The following GPR89A variants were observed in gnomAD, a reference collection of about 807,000 sequenced individuals.
The protein encoded by GPR89A is G protein-coupled receptor 89A.
In GPR89A, 16 loss-of-function variants were observed where a neutral mutation model predicts 52.0. The observed-to-expected ratio is 0.31, with a 90% CI of 0.21 to 0.47. GPR89A has a LOEUF of 0.47. Ranked by LOEUF, GPR89A falls within the 20% of genes least tolerant of loss-of-function variation. The pLI, the probability that GPR89A is intolerant of heterozygous loss-of-function variation, is 1.00. For synonymous variants in GPR89A, 55 were observed against 150.9 expected (o/e 0.36, Z 4.66); for missense variants, 135 against 449.4 (o/e 0.30, Z 6.33).
chr1:145,654,553 CAAAAAAA>C (rs1559045894), intron 10 of GPR89A, among the ~76,000 whole-genome samples: 7 of 126,944 alleles, frequency 5.5e-5, no homozygotes, highest in South Asian at 2.5e-4. Flanking sequence ...AATCCATCTA[CAAAAAAA>C]AAAAAAAAAA....
rs148278695 is a variant in GPR89A at position 145,609,976 on chromosome 1, C to T, written c.42+1801C>T. ...TTTCCATTTCGGCTGCCTTCTTCCT[C>T]ATTTCCATGTTTTATTTTCTTCTTG... On this transcript the variant is annotated intron_variant, in intron 1 of 13. Transcript: ENST00000313835. Among the ~76,000 whole-genome samples, 736 of 152,252 alleles carry T rather than the reference C, an allele frequency of 4.8e-3. 8 individuals carry two copies. The highest frequency in any genetic ancestry group is 0.017 in the African/African-American group (693 of 41,536).
At chr1:145,664,131 A>G (rs1338574600) in intron 11 of GPR89A, among the ~76,000 whole-genome samples, 383 of 151,034 alleles carry the variant, frequency 2.5e-3, no homozygotes, top group Non-Finnish European at 4.6e-3. Context: ...TGTGCTGTCA[A>G]CCTAGACGCA....
intron 3 of GPR89A, among the ~76,000 whole-genome samples, chr1:145,622,017 G>A (rs1232909699): frequency 1.3e-5 from 2 of 150,130 alleles, no homozygotes; most frequent in East Asian, 4.0e-4. Context: ...GGAAACAGTG[G>A]GAGTGCCTAA....
In GPR89A at chr1:145,608,085, G is replaced by A. The variant is rs1553685252; in HGVS notation, c.-49G>A. 1 of 1,611,182 alleles carries A rather than the reference G, an allele frequency of 6.2e-7. No homozygotes were observed. The highest frequency in any genetic ancestry group is 1.7e-5 in the Admixed American group (1 of 59,988). On this transcript the variant is annotated 5_prime_UTR_variant, in exon 1 of 14. Coordinates refer to ENST00000313835, the MANE Select transcript of GPR89A (RefSeq NM_001097612.2). ...GGGGCCTGTGGCCCCAGCGTGCTGTGGCCTCGGGGAGTGGGAAGTGGAGGC... is the reference window on the plus strand; with the variant it reads ...GGGGCCTGTGGCCCCAGCGTGCTGTAGCCTCGGGGAGTGGGAAGTGGAGGC...
At chr1:145,617,484 T>C in intron 2 of GPR89A, among the ~76,000 whole-genome samples, 1 of 151,792 alleles carries the variant, frequency 6.6e-6, no homozygotes, top group African/African-American at 2.4e-5. Flanking sequence ...ATGACGGGAT[T>C]AAGAGATTAA....
At chr1:145,661,293 CTG>C (rs1553695547) in intron 10 of GPR89A, among the ~76,000 whole-genome samples, 1 of 71,788 alleles carries the variant, frequency 1.4e-5, no homozygotes, top group Non-Finnish European at 2.4e-5. Flanking sequence ...ACATCACACT[CTG>C]GGGACTGTTG....
In GPR89A at chr1:145,650,458, A is replaced by G. The variant is rs1220215225; in HGVS notation, c.909+3191A>G. Among the ~76,000 whole-genome samples, 3 of 151,950 alleles carry G rather than the reference A, an allele frequency of 2.0e-5. No individual in the cohort carries two copies. In the East Asian group the frequency reaches 5.8e-4, roughly 29 times the overall value. ...CTGCAGTGGACGTACATGTGTATGT[A>G]TCTTTATAATGGAATGATTTATATT... On this transcript the variant is annotated intron_variant, in intron 10 of 13. Transcript: ENST00000313835.
chr1:145,609,207 T>G (rs1456801758), intron 1 of GPR89A, among the ~76,000 whole-genome samples: 6 of 152,194 alleles, frequency 3.9e-5, no homozygotes, highest in African/African-American at 1.4e-4. Flanking sequence ...GCAGTTACCT[T>G]TGGGGGCTTA....
chr1:145,627,929 T>C (rs1553689234), intron 5 of GPR89A, among the ~76,000 whole-genome samples: 2 of 150,970 alleles, frequency 1.3e-5, no homozygotes, highest in Non-Finnish European at 2.9e-5. Flanking sequence ...AGAGATAGAA[T>C]GGAAAGTAAT....
Position 145,670,229 on chromosome 1 carries a change from G to A in GPR89A, c.*189G>A. The stretch of plus-strand genomic sequence containing the variant: ...CCATGAGTAGCATCAGCCAGAACAT[G>A]AGAGGGAGAACTAACTCAAGACAAT... On this transcript the variant is annotated 3_prime_UTR_variant, in exon 14 of 14. Transcript: ENST00000313835. The A allele has an allele frequency of 3.4e-6, 5 of 1,475,122 alleles. No individual in the cohort carries two copies. Among genetic ancestry groups the A allele is most frequent in the East Asian group, 2.4e-5 (1 of 41,494 alleles). The allele number at this position is 1,475,122 out of a possible 1,614,324, so 91.4% of individuals were successfully genotyped here. A position where few individuals can be genotyped will look rare whatever the true frequency, so the allele number is the denominator to read the frequency against.
intron 3 of GPR89A, among the ~76,000 whole-genome samples, chr1:145,622,107 C>T (rs1649182598): frequency 6.6e-6 from 1 of 152,090 alleles, no homozygotes; most frequent in Non-Finnish European, 1.5e-5. Context: ...CATACGTCCA[C>T]ACCAGAATGT....
intron 1 of GPR89A, among the ~76,000 whole-genome samples, chr1:145,614,280 C>A (rs1184113660): frequency 6.6e-6 from 1 of 152,134 alleles, no homozygotes; most frequent in African/African-American, 2.4e-5. Flanking sequence ...GTCCTAACCC[C>A]TTACAGATTG....
In GPR89A at chr1:145,608,013, A is replaced by C. The variant is rs1362151061; in HGVS notation, c.-121A>C. On this transcript the variant is annotated 5_prime_UTR_variant, in exon 1 of 14. Transcript: ENST00000313835. The stretch of plus-strand genomic sequence containing the variant: ...GCAGCTTGATGGCGTCGGGCTGGAG[A>C]GCCGCAGTCCCGGCTGCAGCACCTG... The C allele has an allele frequency of 1.6e-4, 178 of 1,138,560 alleles. No individual in the cohort carries two copies. Among genetic ancestry groups the C allele is most frequent in the East Asian group, 1.5e-3 (58 of 39,528 alleles). The allele number at this position is 1,138,560 out of a possible 1,614,324, so 70.5% of individuals were successfully genotyped here.
intron 1 of GPR89A, among the ~76,000 whole-genome samples, chr1:145,611,139 G>A (rs1195496091): frequency 1.3e-5 from 2 of 149,342 alleles, no homozygotes; most frequent in South Asian, 2.1e-4. Flanking sequence ...TTACTTGGAT[G>A]TAAATGAATT....
intron 5 of GPR89A, among the ~76,000 whole-genome samples, chr1:145,629,077 C>T (rs1157651769): frequency 1.3e-5 from 2 of 152,192 alleles, no homozygotes; most frequent in South Asian, 2.1e-4. Flanking sequence ...AAGATGGTGG[C>T]GTAGGGGCAA....
At chr1:145,650,133 C>T (rs587653257) in intron 10 of GPR89A, among the ~76,000 whole-genome samples, 11 of 152,136 alleles carry the variant, frequency 7.2e-5, no homozygotes, top group African/African-American at 2.7e-4. Context: ...GATGCTCTCC[C>T]TCCCCCTCCC....
intron 1 of GPR89A, among the ~76,000 whole-genome samples, chr1:145,612,472 TAAAA>T (rs1335990721): frequency 2.0e-5 from 3 of 151,864 alleles, no homozygotes; most frequent in Non-Finnish European, 4.4e-5. Flanking sequence ...AAATAATATT[TAAAA>T]AAAAGCACAG....
chr1:145,639,022 A>G lies in GPR89A; in HGVS notation c.618-4847A>G, dbSNP rs1650438674. Among the ~76,000 whole-genome samples the G allele has an allele frequency of 1.3e-5, 2 of 150,618 alleles. 1 individual carries two copies. Among genetic ancestry groups the G allele is most frequent in the African/African-American group, 5.0e-5 (2 of 40,004 alleles). On this transcript the variant is annotated intron_variant, in intron 7 of 13. Transcript: ENST00000313835. ...GCTAGCAACGGACATATGAACATCAAATGTTTAAATACACTACTTACAATC... is the reference window on the plus strand; with the variant it reads ...GCTAGCAACGGACATATGAACATCAGATGTTTAAATACACTACTTACAATC...
At chr1:145,632,223 C>T (rs1370983225) in intron 7 of GPR89A, among the ~76,000 whole-genome samples, 3 of 152,098 alleles carry the variant, frequency 2.0e-5, no homozygotes, top group Non-Finnish European at 1.5e-5. Flanking sequence ...TATCTATCAC[C>T]TCACATGTTT....
Sources: gnomAD v4.1 joint callset for allele counts (sites outside exome capture counted in the v4.1 genomes callset) on GRCh38, gnomAD v4.1.1 for gene constraint, MANE v1.5 for transcripts, NCBI Gene and HGNC (gene_info 2026-07-23, HGNC 2026-07-21) for gene names.